The following AP1G1 variants were observed in gnomAD, a reference collection of about 807,000 sequenced individuals.
AP1G1 encodes AP-1 complex subunit gamma-1.
A neutral mutation model predicts 108.3 loss-of-function variants in AP1G1; 7 were observed. That is an observed-to-expected ratio of 0.06 (90% CI 0.04 to 0.12). The LOEUF is 0.12. Among genes scored for constraint, AP1G1 ranks in the 10% least tolerant of loss-of-function variants. AP1G1 has a pLI of 1.00. For missense variants in AP1G1, 756 were observed against 1,010.7 expected (o/e 0.75, Z 3.42); for synonymous variants, 379 against 353.5 (o/e 1.07, Z -0.81).
chr16:71,796,611 A>C (rs1305503356), intron 1 of AP1G1, among the ~76,000 whole-genome samples: 4 of 152,278 alleles, frequency 2.6e-5, no homozygotes, highest in African/African-American at 7.2e-5. Flanking sequence ...TGAACTACTA[A>C]AATGGAATTT....
At chr16:71,771,015 C>A in intron 5 of AP1G1, 141 bp downstream of exon 5, 1 of 486,440 alleles carries the variant, frequency 2.1e-6, no homozygotes, top group Non-Finnish European at 3.6e-6. Context: ...CTTGTCAGAC[C>A]AGACCTTCCT....
intron 1 of AP1G1, chr16:71,807,966 A>G (rs187030155): frequency 9.6e-6 from 12 of 1,247,024 alleles, no homozygotes; most frequent in Non-Finnish European, 4.1e-6. Context: ...TTGCCTCCCA[A>G]AAGCCATTTA....
At chr16:71,768,565 TC>T (rs1372544707) in intron 6 of AP1G1, among the ~76,000 whole-genome samples, 1 of 147,524 alleles carries the variant, frequency 6.8e-6, no homozygotes, top group Admixed American at 6.8e-5. Context: ...GGAGTCAATG[TC>T]CTAAAACGAA....
Position 71,732,868 on chromosome 16 carries a change from G to C in AP1G1, c.*190C>G. On this transcript the variant is annotated 3_prime_UTR_variant, in exon 23 of 23. Coordinates refer to ENST00000299980, the MANE Select transcript of AP1G1 (RefSeq NM_001128.6). ...CCTCCAGAAGCAGCCAGCCTCAACA[G>C]TGGAGGAGAGGACATTAGTCTTTAA... 1.9e-6 allele frequency: 1 copy of C among 537,078 alleles called. No individual in the cohort carries two copies. Among genetic ancestry groups the C allele is most frequent in the Non-Finnish European group, 3.3e-6 (1 of 303,314 alleles). The allele number at this position is 537,078 out of a possible 1,614,324, so 33.3% of individuals were successfully genotyped here. A position where few individuals can be genotyped will look rare whatever the true frequency, so the allele number is the denominator to read the frequency against.
intron 1 of AP1G1, among the ~76,000 whole-genome samples, chr16:71,802,581 T>C (rs529926676): frequency 1.3e-5 from 2 of 151,864 alleles, no homozygotes; most frequent in East Asian, 2.0e-4. Flanking sequence ...AGTACAAAAA[T>C]TAACTGGGCA....
intron 12 of AP1G1, 136 bp downstream of exon 12, chr16:71,755,883 A>T: frequency 1.1e-6 from 1 of 882,490 alleles, no homozygotes. Context: ...TGACTTCATG[A>T]TCCACCTGCC....
Position 71,750,325 on chromosome 16 carries a change from C to G in AP1G1, c.1292G>C (p.Ser431Thr). Residue 431 changes from serine (S) to threonine (T), a missense_variant, in exon 14 of 23, where the codon AGT (serine) becomes ACT (threonine). By Grantham distance (58) the Ser-to-Thr change is moderately conservative. Coordinates refer to ENST00000299980, the MANE Select transcript of AP1G1 (RefSeq NM_001128.6). ...GGGGACTGCATCATCACGAACATAA[C>G]TTCCTGCCTAAAAGGAAATGCAGAC... ...TIMRVLTTAG[S>T]YVRDDAVPNL... 2 of 1,613,878 alleles carry G rather than the reference C, an allele frequency of 1.2e-6. No homozygotes were observed. The highest frequency in any genetic ancestry group is 1.7e-6 in the Non-Finnish European group (2 of 1,179,984).
At chr16:71,803,438 A>C (rs1355831506) in intron 1 of AP1G1, among the ~76,000 whole-genome samples, 1 of 152,140 alleles carries the variant, frequency 6.6e-6, no homozygotes, top group Non-Finnish European at 1.5e-5. Flanking sequence ...TTCTCATTTC[A>C]ATCATCTCAT....
intron 1 of AP1G1, among the ~76,000 whole-genome samples, chr16:71,799,696 C>G (rs1347585900): frequency 2.7e-5 from 4 of 150,212 alleles, no homozygotes; most frequent in Admixed American, 1.3e-4. Context: ...GTCAGGAGAT[C>G]AAGACCATCC....
In AP1G1 at chr16:71,773,208, C is replaced by T. The variant is rs372801575; in HGVS notation, c.468+13G>A. ...CCCTAATCCAAACAGACATTTGGTT[C>T]ATTAAAAGTTACCTTTTTTCTTAAG... is the stretch of plus-strand genomic sequence containing the variant. On this transcript the variant is annotated intron_variant, in intron 4 of 22. Transcript: ENST00000299980. 1.7e-5 allele frequency: 27 copies of T among 1,612,244 alleles called. No individual in the cohort carries two copies. Among genetic ancestry groups the T allele is most frequent in the Non-Finnish European group, 2.2e-5 (26 of 1,179,840 alleles).
intron 6 of AP1G1, among the ~76,000 whole-genome samples, chr16:71,766,064 ATCTCT>A (rs953129790): frequency 1.1e-4 from 16 of 152,204 alleles, no homozygotes; most frequent in South Asian, 2.1e-4. Context: ...AGAGAAAAAA[ATCTCT>A]TCTCTTAAGA....
intron 1 of AP1G1, among the ~76,000 whole-genome samples, chr16:71,793,722 C>T (rs1229862549): frequency 6.6e-6 from 1 of 152,076 alleles, no homozygotes; most frequent in Non-Finnish European, 1.5e-5. Flanking sequence ...TCTCACTCTG[C>T]CACCCAGGCT....
chr16:71,768,303 C>A (rs1010961168), intron 6 of AP1G1, among the ~76,000 whole-genome samples: 5 of 150,252 alleles, frequency 3.3e-5, no homozygotes, highest in African/African-American at 1.2e-4. Flanking sequence ...TTCGAACCAG[C>A]CTGGCTAACA....
At chr16:71,773,428 A>C in intron 3 of AP1G1, 66 bp from the exon 4 acceptor site, 4 of 1,436,346 alleles carry the variant, frequency 2.8e-6, no homozygotes, top group Non-Finnish European at 3.7e-6. Flanking sequence ...TCACAATTTC[A>C]AACTAGTTCA....
At chr16:71,796,834 A>G (rs2032602787) in intron 1 of AP1G1, among the ~76,000 whole-genome samples, 1 of 152,152 alleles carries the variant, frequency 6.6e-6, no homozygotes, top group Admixed American at 6.6e-5. Flanking sequence ...AGATGTCTAT[A>G]AATGCAAACA....
intron 17 of AP1G1, among the ~76,000 whole-genome samples, chr16:71,745,900 T>G (rs1437512209): frequency 6.6e-6 from 1 of 152,180 alleles, no homozygotes; most frequent in Non-Finnish European, 1.5e-5. Flanking sequence ...TCCATAGGTA[T>G]TAACAGTCAA....
chr16:71,735,641 G>A (rs1020684708), intron 21 of AP1G1, among the ~76,000 whole-genome samples: 4 of 147,554 alleles, frequency 2.7e-5, no homozygotes, highest in Non-Finnish European at 4.4e-5. Flanking sequence ...GGGCAACAGA[G>A]CAAGACTCCG....
intron 9 of AP1G1, 62 bp downstream of exon 9, chr16:71,764,288 T>G: frequency 1.0e-6 from 1 of 963,456 alleles, no homozygotes; most frequent in Non-Finnish European, 1.5e-6. Context: ...AGTACTGAAG[T>G]CCAAGTCAAC....
In AP1G1 at chr16:71,773,341, T is replaced by C. The variant is rs572517944; in HGVS notation, c.348A>G (p.Gln116=). 9.7e-6 allele frequency: 15 copies of C among 1,550,784 alleles called. No individual in the cohort carries two copies. Among genetic ancestry groups the C allele is most frequent in the Middle Eastern group, 1.7e-4 (1 of 5,784 alleles). ...CIKNDLNHST[Q]FVQGLALCTL... is the part of the protein sequence containing the mutation. ...TACAAAGTGCTAACCCCTGTACGAATTGCGTGCTATGATTAAGATCACTGC... is the reference window on the plus strand; with the variant it reads ...TACAAAGTGCTAACCCCTGTACGAACTGCGTGCTATGATTAAGATCACTGC... The change falls in exon 4 of 23, where the codon CAA becomes CAG. Residue 116 remains glutamine (Q), a synonymous_variant. Transcript: ENST00000299980.
Sources: allele counts gnomAD v4.1 joint callset (sites outside exome capture counted in the v4.1 genomes callset), GRCh38; gene constraint gnomAD v4.1.1; transcripts MANE v1.5; gene names NCBI Gene and HGNC (gene_info 2026-07-23, HGNC 2026-07-21).